The following MARK1 variants were observed in gnomAD, a reference collection of about 807,000 sequenced individuals.
The protein encoded by MARK1 is serine/threonine-protein kinase MARK1.
A neutral mutation model predicts 96.3 loss-of-function variants in MARK1; 40 were observed. That is an observed-to-expected ratio of 0.42 (90% confidence interval 0.32 to 0.54). The LOEUF (loss-of-function observed/expected upper bound fraction) is 0.54. Among genes scored for constraint, MARK1 ranks in the 20% least tolerant of loss-of-function variants. The pLI, the probability that MARK1 is intolerant of heterozygous loss-of-function variation, is 0.16. For missense variants in MARK1, 719 were observed against 984.6 expected (o/e 0.73, Z 3.61); for synonymous variants, 317 against 341.2 (o/e 0.93, Z 0.78).
chr1:220,538,874 G>A (rs1209883755), intron 1 of MARK1, among the ~76,000 whole-genome samples: 1 of 149,354 alleles, frequency 6.7e-6, no homozygotes, highest in East Asian at 2.0e-4. Context: ...CTGTTTGTCT[G>A]TTATTGGTGT....
At chr1:220,630,801 A>C (rs1014296718) in intron 9 of MARK1, among the ~76,000 whole-genome samples, 13 of 152,196 alleles carry the variant, frequency 8.5e-5, no homozygotes, top group Admixed American at 7.2e-4. Flanking sequence ...CCTTTGAAGG[A>C]ATAAGAGAGG....
At chr1:220,629,569 G>A (rs916098848) in intron 9 of MARK1, among the ~76,000 whole-genome samples, 2 of 151,506 alleles carry the variant, frequency 1.3e-5, no homozygotes, top group African/African-American at 4.9e-5. Flanking sequence ...CATTCATCTT[G>A]TGTGACTAAA....
At chr1:220,565,083 C>T (rs12073394) in intron 1 of MARK1, among the ~76,000 whole-genome samples, 4,216 of 152,116 alleles carry the variant, frequency 0.028, 210 homozygotes, top group African/African-American at 0.095. Flanking sequence ...TATAATTCTG[C>T]CTTTATATTT....
At chr1:220,603,147 G>A (rs1665852576) in intron 5 of MARK1, among the ~76,000 whole-genome samples, 1 of 151,942 alleles carries the variant, frequency 6.6e-6, no homozygotes, top group Non-Finnish European at 1.5e-5. Flanking sequence ...CATTTTGTGA[G>A]TTTTTAATAT....
At chr1:220,548,724 C>G (rs1025406205) in intron 1 of MARK1, among the ~76,000 whole-genome samples, 1 of 151,504 alleles carries the variant, frequency 6.6e-6, no homozygotes, top group East Asian at 1.9e-4. Flanking sequence ...CCACTGCACT[C>G]CAGCCTGGGT....
Position 220,654,810 on chromosome 1 carries a change from A to T in MARK1, c.1988+1458A>T, listed in dbSNP as rs1317502361. The stretch of plus-strand genomic sequence containing the variant: ...ACTAATTGTGCATTAAGCATTGTGC[A>T]AAATATTTCTCTTAACTGCAACAAA... On this transcript the variant is annotated intron_variant, in intron 16 of 17. Transcript: ENST00000366917. This position sits in a 1 kb window ranked among gnomAD's most constrained non-coding sequence, Gnocchi z 4.0. Among the ~76,000 whole-genome samples the T allele has an allele frequency of 1.3e-5, 2 of 152,370 alleles. No individual in the cohort carries two copies. Among genetic ancestry groups the T allele is most frequent in the East Asian group, 3.9e-4 (2 of 5,186 alleles).
chr1:220,635,451 A>G lies in MARK1; in HGVS notation c.1198A>G (p.Thr400Ala). The stretch of plus-strand genomic sequence containing the variant: ...GCCCAGTAGTGACTTAAACAACAGC[A>G]CTCTTCAGTCCCCTGCTCACCTGAA... ...SRPSSDLNNS[T>A]LQSPAHLKVQ... The change falls in exon 12 of 18, where the codon ACT becomes GCT. Residue 400 changes from threonine to alanine, a missense_variant. Transcript: ENST00000366917. 6.2e-7 allele frequency: 1 copy of G among 1,612,904 alleles called. No individual in the cohort carries two copies. Among genetic ancestry groups the G allele is most frequent in the Non-Finnish European group, 8.5e-7 (1 of 1,179,834 alleles).
chr1:220,578,086 G>C (rs187104547), intron 1 of MARK1, among the ~76,000 whole-genome samples: 1 of 152,314 alleles, frequency 6.6e-6, no homozygotes, highest in Admixed American at 6.5e-5. Flanking sequence ...TTAGGAAGCT[G>C]TTGCTTTTAC....
chr1:220,618,194 C>T lies in MARK1; in HGVS notation c.553-116C>T, dbSNP rs7540225. 2,985 of 673,494 alleles carry T rather than the reference C, an allele frequency of 4.4e-3. 60 individuals carry two copies. Among genetic ancestry groups the T allele is most frequent in the African/African-American group, 0.03 (1,648 of 55,146 alleles). 41.7% of individuals were successfully genotyped at this position (673,494 alleles called of 1,614,324 possible). A position where few individuals can be genotyped will look rare whatever the true frequency, so the allele number is the denominator to read the frequency against. ...CCATACTGGGCTTCTAAATTTGATA[C>T]TACATTTAGAAATGAGGGGCAAGAG... On this transcript the variant is annotated intron_variant, in intron 7 of 17. Coordinates refer to ENST00000366917, the MANE Select transcript of MARK1 (RefSeq NM_018650.5). This position sits in a 1 kb window ranked among gnomAD's most constrained non-coding sequence, Gnocchi z 4.6.
chr1:220,653,405 A>G (rs1668996474), intron 16 of MARK1, 53 bp downstream of exon 16: 1 of 1,532,336 alleles, frequency 6.5e-7, no homozygotes, highest in South Asian at 1.2e-5. Context: ...TATAAAGGAA[A>G]CTAGACTTTT....
chr1:220,545,515 C>T (rs1408752694), intron 1 of MARK1, among the ~76,000 whole-genome samples: 1 of 137,788 alleles, frequency 7.3e-6, no homozygotes, highest in Non-Finnish European at 1.5e-5. Flanking sequence ...CAGCTCACTG[C>T]AGTCTTGGCC....
chr1:220,656,789 T>A (rs977700680), intron 16 of MARK1, among the ~76,000 whole-genome samples: 12 of 135,792 alleles, frequency 8.8e-5, no homozygotes, highest in African/African-American at 2.0e-4. Context: ...GATAGAAAAA[T>A]TTTTTTTTTC....
At chr1:220,625,920 TGAG>T (rs2102990708) in intron 9 of MARK1, 1 of 533,678 alleles carries the variant, frequency 1.9e-6, no homozygotes, top group Non-Finnish European at 3.8e-6. Context: ...AACCCAGTAC[TGAG>T]GAGATGACCA....
intron 2 of MARK1, among the ~76,000 whole-genome samples, chr1:220,579,818 T>G (rs1462701318): frequency 6.6e-6 from 1 of 152,208 alleles, no homozygotes; most frequent in Non-Finnish European, 1.5e-5. Context: ...ATTCTGACTT[T>G]CGTTATATGA....
chr1:220,536,878 G>T (rs974327264), intron 1 of MARK1, among the ~76,000 whole-genome samples: 2 of 151,840 alleles, frequency 1.3e-5, no homozygotes, highest in Non-Finnish European at 1.5e-5. Context: ...ACTGTGCCCG[G>T]CCCCAGTCCT....
At chr1:220,569,163 A>G (rs1485263074) in intron 1 of MARK1, among the ~76,000 whole-genome samples, 4 of 152,206 alleles carry the variant, frequency 2.6e-5, no homozygotes, top group African/African-American at 9.6e-5. Flanking sequence ...TATGTTTAAA[A>G]GTCACATATA....
chr1:220,592,828 T>C (rs1665087186), intron 3 of MARK1, among the ~76,000 whole-genome samples: 1 of 152,172 alleles, frequency 6.6e-6, no homozygotes, highest in South Asian at 2.1e-4. Context: ...TGTCACTCAC[T>C]GTGTGTTGCA....
At position 220,605,762 on chromosome 1, in the gene MARK1, G is replaced by T. The variant is rs189213114; in HGVS notation, c.495+1625G>T. 1.3e-3 allele frequency among the ~76,000 whole-genome samples: 195 copies of T among 151,748 alleles called. 2 individuals are homozygous for T. The highest frequency in any genetic ancestry group is 4.5e-3 in the African/African-American group (188 of 41,330). On this transcript the variant is annotated intron_variant, in intron 6 of 17. Transcript: ENST00000366917. ...TCCCACCTATGAGTGAGAACATGTG[G>T]TGTTTGGTTTTCTGTCCTTGTGATA...
intron 6 of MARK1, among the ~76,000 whole-genome samples, chr1:220,614,347 C>T (rs1234930608): frequency 6.6e-6 from 1 of 150,924 alleles, no homozygotes; most frequent in African/African-American, 2.4e-5. Context: ...TGCATTTCGT[C>T]ACCTCCCCAT....
Sources: allele counts gnomAD v4.1 joint callset (sites outside exome capture counted in the v4.1 genomes callset), GRCh38; gene constraint gnomAD v4.1.1; non-coding constraint Gnocchi (gnomAD v3.1); transcripts MANE v1.5; gene names NCBI Gene and HGNC (gene_info 2026-07-23, HGNC 2026-07-21).